WNT7A: variants seen among roughly 807,000 people sequenced by gnomAD.
The protein encoded by WNT7A is protein Wnt-7a.
Under a neutral mutation model 28.2 loss-of-function variants are expected in WNT7A, and 16 were observed. That is an observed-to-expected ratio of 0.57 (90% CI 0.38 to 0.86). The LOEUF is 0.86. Ranked by LOEUF, WNT7A falls within the 40% of genes least tolerant of loss-of-function variation. The pLI is 0.00. For missense variants in WNT7A, 411 were observed against 489.7 expected (o/e 0.84, Z 1.52); for synonymous variants, 190 against 195.9 (o/e 0.97, Z 0.25).
intron 3 of WNT7A, among the ~76,000 whole-genome samples, chr3:13,838,276 C>A (rs945045590): frequency 6.6e-6 from 1 of 152,160 alleles, no homozygotes; most frequent in Non-Finnish European, 1.5e-5. Flanking sequence ...GGCTTCGGGT[C>A]CTCACCCTCC....
At chr3:13,855,594 C>T (rs1338984577) in intron 2 of WNT7A, among the ~76,000 whole-genome samples, 2 of 152,206 alleles carry the variant, frequency 1.3e-5, no homozygotes, top group African/African-American at 4.8e-5. Flanking sequence ...CAGCGTGGGA[C>T]AGGCAGTCAC....
At chr3:13,824,813 C>T (rs4684165) in intron 3 of WNT7A, among the ~76,000 whole-genome samples, 28,445 of 152,178 alleles carry the variant, frequency 0.19, 3,118 homozygotes, top group East Asian at 0.56. Flanking sequence ...GAGGCTTGTG[C>T]TTGTGCAAGA....
chr3:13,876,515 G>A (rs1235770989), intron 1 of WNT7A, among the ~76,000 whole-genome samples: 1 of 152,180 alleles, frequency 6.6e-6, no homozygotes, highest in Non-Finnish European at 1.5e-5. Context: ...GGCAGTGGTA[G>A]GGCTGCAGGT....
At chr3:13,873,524 T>A (rs1217758284) in intron 2 of WNT7A, among the ~76,000 whole-genome samples, 1 of 152,092 alleles carries the variant, frequency 6.6e-6, no homozygotes, top group Non-Finnish European at 1.5e-5. Flanking sequence ...AAGAAGGCAC[T>A]CACAGAATAT....
intron 2 of WNT7A, among the ~76,000 whole-genome samples, chr3:13,855,028 G>A (rs997337696): frequency 6.6e-6 from 1 of 152,236 alleles, no homozygotes; most frequent in Non-Finnish European, 1.5e-5. Context: ...GAGTCAACTG[G>A]GCAGTAAAGG....
At chr3:13,856,352 A>C (rs1274833994) in intron 2 of WNT7A, among the ~76,000 whole-genome samples, 3 of 152,250 alleles carry the variant, frequency 2.0e-5, no homozygotes, top group Non-Finnish European at 4.4e-5. Context: ...GGGGCATGTC[A>C]AATGCAGAAA....
intron 2 of WNT7A, among the ~76,000 whole-genome samples, chr3:13,856,975 A>AAGAAGAAGGAGAAGG (rs1694754976): frequency 7.2e-5 from 7 of 97,038 alleles, no homozygotes; most frequent in Middle Eastern, 9.5e-3. Flanking sequence ...GAAGGAGAAG[A>AAGAAGAAGGAGAAGG]AGAAGAAGAA....
At chr3:13,873,736 T>C (rs2124878678) in intron 2 of WNT7A, among the ~76,000 whole-genome samples, 1 of 152,252 alleles carries the variant, frequency 6.6e-6, no homozygotes, top group South Asian at 2.1e-4. Flanking sequence ...GAGGGGACTT[T>C]CGACAAGGTC....
chr3:13,877,621 C>A (rs942036262), intron 1 of WNT7A, among the ~76,000 whole-genome samples: 1 of 152,146 alleles, frequency 6.6e-6, no homozygotes, highest in South Asian at 2.1e-4. Flanking sequence ...ATTAGTTGTG[C>A]GATCTTAGGC....
intron 2 of WNT7A, among the ~76,000 whole-genome samples, chr3:13,855,517 C>T (rs1314255851): frequency 6.6e-6 from 1 of 152,170 alleles, no homozygotes. Context: ...TCTTCTGTGG[C>T]CCCCTCACTG....
At chr3:13,850,547 T>A (rs1694614332) in intron 3 of WNT7A, among the ~76,000 whole-genome samples, 1 of 152,112 alleles carries the variant, frequency 6.6e-6, no homozygotes, top group South Asian at 2.1e-4. Context: ...TCCATCCCCC[T>A]GAGCTCACCT....
chr3:13,837,674 A>C (rs1250817699), intron 3 of WNT7A, among the ~76,000 whole-genome samples: 5 of 152,092 alleles, frequency 3.3e-5, no homozygotes, highest in Non-Finnish European at 5.9e-5. Context: ...GCATCCCGGA[A>C]AGTCTCTGGG....
intron 3 of WNT7A, among the ~76,000 whole-genome samples, chr3:13,850,782 G>A (rs1262783933): frequency 1.3e-5 from 2 of 152,032 alleles, no homozygotes; most frequent in Admixed American, 6.5e-5. Context: ...ATGGAGGCTC[G>A]GAGACCCCTG....
chr3:13,818,800 G>A lies in WNT7A; in HGVS notation c.*144C>T, dbSNP rs1303752860. The A allele has an allele frequency of 1.5e-5, 19 of 1,271,704 alleles. No individual in the cohort carries two copies. The highest frequency in any genetic ancestry group is 2.8e-4 in the Middle Eastern group (1 of 3,624). The allele number at this position is 1,271,704 out of a possible 1,614,324, so 78.8% of individuals were successfully genotyped here. A position where few individuals can be genotyped will look rare whatever the true frequency, so the allele number is the denominator to read the frequency against. On this transcript the variant is annotated 3_prime_UTR_variant, in exon 4 of 4. Transcript: ENST00000285018. ...CTCTGAGAGATTTTTTTTCCCCCAC[G>A]GATGCCTGCAGGAAACCCAGGAAAA...
chr3:13,852,548 G>A (rs1390674837), intron 3 of WNT7A, among the ~76,000 whole-genome samples: 2 of 152,206 alleles, frequency 1.3e-5, no homozygotes, highest in Non-Finnish European at 2.9e-5. Context: ...ATCGACAGAT[G>A]TGGAAACTGA....
chr3:13,829,057 G>C (rs1348401337), intron 3 of WNT7A, among the ~76,000 whole-genome samples: 2 of 152,166 alleles, frequency 1.3e-5, no homozygotes, highest in African/African-American at 4.8e-5. Flanking sequence ...GAAAAAAACA[G>C]AGACCCGGAA....
At chr3:13,842,803 G>A (rs960466380) in intron 3 of WNT7A, among the ~76,000 whole-genome samples, 3 of 152,212 alleles carry the variant, frequency 2.0e-5, no homozygotes, top group Non-Finnish European at 4.4e-5. Flanking sequence ...ACATCCTGGA[G>A]CAGGGAGGCA....
At chr3:13,837,215 C>T (rs1694384497) in intron 3 of WNT7A, among the ~76,000 whole-genome samples, 2 of 152,192 alleles carry the variant, frequency 1.3e-5, no homozygotes, top group Non-Finnish European at 2.9e-5. Flanking sequence ...TCCAGGACGA[C>T]ACCAAGCCCA....
intron 2 of WNT7A, among the ~76,000 whole-genome samples, chr3:13,868,978 AAG>A (rs964111426): frequency 8.8e-6 from 1 of 113,170 alleles, no homozygotes; most frequent in Non-Finnish European, 1.8e-5. Flanking sequence ...GAGAAAGAGA[AAG>A]AGAAAGAAAA....
Sources: allele counts gnomAD v4.1 joint callset (sites outside exome capture counted in the v4.1 genomes callset), GRCh38; gene constraint gnomAD v4.1.1; transcripts MANE v1.5; gene names NCBI Gene and HGNC (gene_info 2026-07-23, HGNC 2026-07-21).